DOK6: variants seen among roughly 807,000 people sequenced by gnomAD.
The protein encoded by DOK6 is downstream of tyrosine kinase 6.
A neutral mutation model predicts 44.0 loss-of-function variants in DOK6; 22 were observed. The ratio of observed to expected loss-of-function variants is 0.50; its 90% CI spans 0.36 to 0.71. The LOEUF is 0.71. DOK6 is among the 30% of genes least tolerant of loss of function. The pLI is 0.00. For synonymous variants in DOK6, 166 were observed against 145.5 expected (o/e 1.14, Z -1.01); for missense variants, 340 against 416.4 (o/e 0.82, Z 1.60).
At chr18:69,608,958 A>AAAAC (rs1038006996) in intron 3 of DOK6, among the ~76,000 whole-genome samples, 10 of 151,650 alleles carry the variant, frequency 6.6e-5, no homozygotes, top group African/African-American at 9.7e-5. Context: ...TCAAAAAAAA[A>AAAAC]AAAAAACTTT....
At chr18:69,593,525 A>C (rs1034975595) in intron 2 of DOK6, among the ~76,000 whole-genome samples, 1 of 152,224 alleles carries the variant, frequency 6.6e-6, no homozygotes, top group African/African-American at 2.4e-5. Flanking sequence ...ATTATTCTAA[A>C]AACTACTGTA....
intron 1 of DOK6, among the ~76,000 whole-genome samples, chr18:69,482,653 T>A (rs1244576378): frequency 3.3e-5 from 5 of 152,032 alleles, no homozygotes; most frequent in Non-Finnish European, 7.4e-5. Context: ...ATAAATATGA[T>A]CCATTTTAGA....
chr18:69,687,532 A>C (rs1166843755), intron 4 of DOK6, among the ~76,000 whole-genome samples: 1 of 152,040 alleles, frequency 6.6e-6, no homozygotes, highest in Non-Finnish European at 1.5e-5. Flanking sequence ...CAACACAAAA[A>C]TTAGCCAGGT....
At chr18:69,508,222 T>C (rs1407184228) in intron 1 of DOK6, among the ~76,000 whole-genome samples, 1 of 152,160 alleles carries the variant, frequency 6.6e-6, no homozygotes, top group Admixed American at 6.5e-5. Context: ...TTGGTTATGA[T>C]GGGTTGTGCA....
At chr18:69,438,894 A>G (rs1979057987) in intron 1 of DOK6, among the ~76,000 whole-genome samples, 1 of 152,066 alleles carries the variant, frequency 6.6e-6, no homozygotes, top group Admixed American at 6.6e-5. Flanking sequence ...AACATGGTGA[A>G]ACCTTGTTTC....
intron 1 of DOK6, among the ~76,000 whole-genome samples, chr18:69,546,140 G>A (rs1459756763): frequency 2.0e-5 from 3 of 151,012 alleles, no homozygotes; most frequent in Non-Finnish European, 4.4e-5. Context: ...AGCCAGGCAT[G>A]GTGGCGCATG....
intron 5 of DOK6, among the ~76,000 whole-genome samples, chr18:69,732,821 A>G (rs1978456758): frequency 6.6e-6 from 1 of 152,242 alleles, no homozygotes; most frequent in East Asian, 1.9e-4. Context: ...AGTTGGCAGC[A>G]GAGCCCAGAC....
intron 7 of DOK6, among the ~76,000 whole-genome samples, chr18:69,827,517 A>G (rs1981775896): frequency 6.6e-6 from 1 of 152,094 alleles, no homozygotes; most frequent in South Asian, 2.1e-4. Flanking sequence ...CATTTTGATA[A>G]TTACATATCA....
chr18:69,743,954 C>T (rs1445873628), intron 6 of DOK6, among the ~76,000 whole-genome samples: 2 of 152,110 alleles, frequency 1.3e-5, no homozygotes, highest in African/African-American at 4.8e-5. Context: ...GATATCAAGA[C>T]TTTGTCTAAT....
chr18:69,444,032 GTA>G (rs1568259670), intron 1 of DOK6, among the ~76,000 whole-genome samples: 1 of 152,112 alleles, frequency 6.6e-6, no homozygotes. Context: ...ATGCATGTGT[GTA>G]TATATATGTA....
intron 1 of DOK6, among the ~76,000 whole-genome samples, chr18:69,526,934 T>A (rs1786116057): frequency 6.6e-6 from 1 of 152,230 alleles, no homozygotes; most frequent in Admixed American, 6.5e-5. Flanking sequence ...TTTCCATAGA[T>A]CATTTATTAT....
chr18:69,731,511 A>G (rs891671057), intron 5 of DOK6, among the ~76,000 whole-genome samples: 8 of 152,202 alleles, frequency 5.3e-5, no homozygotes, highest in African/African-American at 1.7e-4. Context: ...CTATTTGGCT[A>G]TGATACTTCG....
intron 1 of DOK6, among the ~76,000 whole-genome samples, chr18:69,487,003 C>G (rs2144535941): frequency 6.6e-6 from 1 of 152,230 alleles, no homozygotes; most frequent in East Asian, 1.9e-4. Flanking sequence ...CTACTTTCTG[C>G]TCCACTTTAG....
chr18:69,668,212 C>A (rs1985708035), intron 3 of DOK6, among the ~76,000 whole-genome samples: 1 of 152,070 alleles, frequency 6.6e-6, no homozygotes. Flanking sequence ...TATATTGATC[C>A]TAGTTACCAT....
intron 2 of DOK6, among the ~76,000 whole-genome samples, chr18:69,576,540 T>G (rs1472754688): frequency 6.6e-6 from 1 of 152,170 alleles, no homozygotes; most frequent in East Asian, 1.9e-4. Context: ...GGAACATACA[T>G]ATTATAAGCT....
At position 69,531,425 on chromosome 18, in the gene DOK6, G is replaced by C. The variant is rs749149594; in HGVS notation, c.67-33062G>C. Among the ~76,000 whole-genome samples the C allele has an allele frequency of 5.4e-4, 82 of 151,542 alleles. 1 individual carries two copies. Among genetic ancestry groups the C allele is most frequent in the Non-Finnish European group, 1.2e-4 (8 of 67,918 alleles). ...ATCTAGTTGAATAATAATTATAACT[G>C]TCTAGTCTTTACGAAACAAAAATAA... On this transcript the variant is annotated intron_variant, in intron 1 of 7. Transcript: ENST00000382713.
chr18:69,407,977 T>G (rs1978292084), intron 1 of DOK6, among the ~76,000 whole-genome samples: 1 of 152,194 alleles, frequency 6.6e-6, no homozygotes. Flanking sequence ...ATCACACATA[T>G]TATATAAGTC....
chr18:69,549,028 G>A lies in DOK6; in HGVS notation c.67-15459G>A, dbSNP rs185929905. 8.4e-4 allele frequency among the ~76,000 whole-genome samples: 126 copies of A among 150,388 alleles called. 1 individual carries two copies. Among genetic ancestry groups the A allele is most frequent in the Middle Eastern group, 3.4e-3 (1 of 292 alleles). On this transcript the variant is annotated intron_variant, in intron 1 of 7. Coordinates refer to ENST00000382713, the MANE Select transcript of DOK6 (RefSeq NM_152721.6). ...GAGAATGGCGTGAACCCCGGGTGAC[G>A]GAGCCTGCAGTGAGCCAAGATCGCG...
At chr18:69,642,696 T>TA in intron 3 of DOK6, among the ~76,000 whole-genome samples, 1 of 152,314 alleles carries the variant, frequency 6.6e-6, no homozygotes, top group Middle Eastern at 3.4e-3. Context: ...TTTCCTCAAG[T>TA]TAAACATCTT....
Sources: allele counts gnomAD v4.1 joint callset (sites outside exome capture counted in the v4.1 genomes callset), GRCh38; gene constraint gnomAD v4.1.1; transcripts MANE v1.5; gene names NCBI Gene and HGNC (gene_info 2026-07-23, HGNC 2026-07-21).